Variants in SEPTIN5 observed in about 807,000 individuals in gnomAD.
The protein encoded by SEPTIN5 is septin 5.
Under a neutral mutation model 51.2 loss-of-function variants are expected in SEPTIN5, and 16 were observed. The observed-to-expected ratio is 0.31, with a 90% CI of 0.21 to 0.47. SEPTIN5 has a LOEUF of 0.47. Ranked by LOEUF, SEPTIN5 falls within the 20% of genes least tolerant of loss-of-function variation. The pLI is 0.99. For missense variants in SEPTIN5, 376 were observed against 500.3 expected, an observed-to-expected ratio of 0.75 and a Z score of 2.37; for synonymous variants, 208 against 191.2, an observed-to-expected ratio of 1.09 and a Z score of -0.72.
Position 19,722,581 on chromosome 22 carries a change from C to T in SEPTIN5, c.*97C>T, listed in dbSNP as rs185507769. ...GACCCGGAGACGCGGGGCCACAGCCCCCAGCTGACCCTAATTTATTCTCAG... is the reference window on the plus strand; with the variant it reads ...GACCCGGAGACGCGGGGCCACAGCCTCCAGCTGACCCTAATTTATTCTCAG... On this transcript the variant is annotated 3_prime_UTR_variant, in exon 12 of 12. Transcript: ENST00000455784. The T allele has an allele frequency of 1.2e-5, 15 of 1,265,914 alleles. No individual in the cohort carries two copies. The Admixed American group carries it at 1.6e-4, about 14-fold the overall frequency. The allele number at this position is 1,265,914 out of a possible 1,614,324, so 78.4% of individuals were successfully genotyped here. A position where few individuals can be genotyped will look rare whatever the true frequency, so the allele number is the denominator to read the frequency against.
chr22:19,720,939 C>T, intron 8 of SEPTIN5, 70 bp downstream of exon 8: 2 of 1,378,958 alleles, frequency 1.5e-6, no homozygotes, highest in Non-Finnish European at 2.1e-6. Flanking sequence ...GCTTTGTCTC[C>T]TTCACATTGA....
rs1673862453 is a variant in SEPTIN5, at chr22:19,721,574, C to T, written c.718-66C>T. On this transcript the variant is annotated intron_variant, in intron 8 of 11. Transcript: ENST00000455784. ...AGGGGTGCCCCGGGAGTTACATGCC[C>T]GTTTCCCATCAGTAACCGTGCAATT... 3 of 1,563,912 alleles carry T rather than the reference C, an allele frequency of 1.9e-6. No homozygotes were observed. In the Admixed American group the frequency reaches 5.1e-5, roughly 26 times the overall value.
chr22:19,714,554 GAGCC>G lies in SEPTIN5; in HGVS notation c.-34_-31del, dbSNP rs1935885871. The G allele has an allele frequency of 7.4e-7, 1 of 1,343,166 alleles. No homozygotes were observed. 83.2% of individuals were successfully genotyped at this position (1,343,166 alleles called of 1,614,324 possible). On this transcript the variant is annotated 5_prime_UTR_variant, in exon 1 of 12. Coordinates refer to ENST00000455784, the MANE Select transcript of SEPTIN5 (RefSeq NM_002688.6). This position sits in a 1 kb window ranked among gnomAD's most constrained non-coding sequence, Gnocchi z 5.2. Reference sequence around the variant, plus strand: ...CCGCTTGTCGTCGCGCCCCGCCCGCGAGCCCGCCCCGCACGTCCCCCGCCGGCGG... The same window carrying G: ...CCGCTTGTCGTCGCGCCCCGCCCGCGCGCCCCGCACGTCCCCCGCCGGCGG...
intron 2 of SEPTIN5, chr22:19,717,462 G>C (rs569217250): frequency 2.4e-6 from 1 of 412,706 alleles, no homozygotes; most frequent in Admixed American, 2.8e-5. Flanking sequence ...ATGCTCAGAG[G>C]GCAAGGGAAT....
intron 7 of SEPTIN5, 35 bp from the exon 8 acceptor site, chr22:19,720,733 T>C: frequency 6.2e-7 from 1 of 1,612,364 alleles, no homozygotes; most frequent in South Asian, 1.1e-5. Flanking sequence ...GGGACTTGTC[T>C]GGCCTCAAAT....
chr22:19,719,741 G>C (rs1601241490), intron 3 of SEPTIN5, 43 bp downstream of exon 3: 1 of 1,610,082 alleles, frequency 6.2e-7, no homozygotes, highest in Non-Finnish European at 8.5e-7. Context: ...GGGGTCACTG[G>C]CCAGCCAAGC....
chr22:19,720,588 T>C lies in SEPTIN5; in HGVS notation c.537T>C (p.His179=), dbSNP rs769659317. The change falls in exon 7 of 12, where the codon CAT becomes CAC. Residue 179 remains histidine, a synonymous_variant. Coordinates refer to ENST00000455784, the MANE Select transcript of SEPTIN5 (RefSeq NM_002688.6). ...PVDVGFMKAL[H]EKVNIVPLIA... ...ATGTGGGTTTCATGAAGGCATTGCATGAGAAGGTCAACATCGTGCCTCTCA... is the reference window on the plus strand; with the variant it reads ...ATGTGGGTTTCATGAAGGCATTGCACGAGAAGGTCAACATCGTGCCTCTCA... 2 of 1,612,982 alleles carry C rather than the reference T, an allele frequency of 1.2e-6. No individual in the cohort carries two copies. Among genetic ancestry groups the C allele is most frequent in the Admixed American group, 1.7e-5 (1 of 60,022 alleles).
At chr22:19,715,258 T>C (rs12165395) in intron 2 of SEPTIN5, among the ~76,000 whole-genome samples, 6,481 of 152,322 alleles carry the variant, frequency 0.043, 419 homozygotes, top group African/African-American at 0.14. Context: ...TCCCTCCCCA[T>C]ACACAAATTT....
In SEPTIN5 at chr22:19,714,578, C is replaced by G; in HGVS notation, c.-11C>G. The G allele has an allele frequency of 1.4e-6, 2 of 1,417,594 alleles. No homozygotes were observed. The highest frequency in any genetic ancestry group is 1.8e-6 in the Non-Finnish European group (2 of 1,087,228). 87.8% of individuals were successfully genotyped at this position (1,417,594 alleles called of 1,614,324 possible). ...CGAGCCCGCCCCGCACGTCCCCCGC[C>G]GGCGGCCACCATGAGCACAGGCCTG... On this transcript the variant is annotated 5_prime_UTR_variant, in exon 1 of 12. Transcript: ENST00000455784. This position sits in a 1 kb window ranked among gnomAD's most constrained non-coding sequence, Gnocchi z 5.2.
At position 19,720,636 on chromosome 22, in the gene SEPTIN5, C is replaced by G; in HGVS notation, c.585C>G (p.Val195=). The G allele has an allele frequency of 6.2e-7, 1 of 1,612,948 alleles. No individual in the cohort carries two copies. Among genetic ancestry groups the G allele is most frequent in the Non-Finnish European group, 8.5e-7 (1 of 1,180,022 alleles). The change falls in exon 7 of 12, where the codon GTC becomes GTG. Residue 195 remains valine (V), a synonymous_variant. Transcript: ENST00000455784. ...TCATCGCCAAAGCTGACTGTCTTGTCCCCAGTGAGATCCGGAAGCTGAAGG... is the reference window on the plus strand; with the variant it reads ...TCATCGCCAAAGCTGACTGTCTTGTGCCCAGTGAGATCCGGAAGCTGAAGG... ...VPLIAKADCL[V]PSEIRKLKER... is the part of the protein sequence containing the mutation.
At chr22:19,715,679 T>C (rs1388514484) in intron 2 of SEPTIN5, among the ~76,000 whole-genome samples, 1 of 152,126 alleles carries the variant, frequency 6.6e-6, no homozygotes, top group East Asian at 1.9e-4. Flanking sequence ...CCATGGATGC[T>C]GAGTGGAACT....
chr22:19,722,752 C>T lies in SEPTIN5; in HGVS notation c.*268C>T. On this transcript the variant is annotated 3_prime_UTR_variant, in exon 12 of 12. Transcript: ENST00000455784. Reference sequence around the variant, plus strand: ...CGCCTCCCTTGCCCTTCCCCCGCCCCCGGACGGTCACAGCACCCAAACCGC... The same window carrying T: ...CGCCTCCCTTGCCCTTCCCCCGCCCTCGGACGGTCACAGCACCCAAACCGC... The T allele has an allele frequency of 1.8e-6, 1 of 552,196 alleles. No homozygotes were observed. The highest frequency in any genetic ancestry group is 3.1e-5 in the East Asian group (1 of 32,556). The allele number at this position is 552,196 out of a possible 1,614,324, so 34.2% of individuals were successfully genotyped here. A position where few individuals can be genotyped will look rare whatever the true frequency, so the allele number is the denominator to read the frequency against.
At chr22:19,718,846 G>T (rs906713361) in intron 2 of SEPTIN5, 10 of 1,234,584 alleles carry the variant, frequency 8.1e-6, no homozygotes, top group Middle Eastern at 3.1e-4. Context: ...GCGGAACGTG[G>T]GTCTGTGACC....
rs78788206 is a variant in SEPTIN5, at chr22:19,717,748, T to C, written c.55-1854T>C. 6.6e-3 allele frequency: 1,679 copies of C among 255,966 alleles called. 35 individuals carry two copies. Among genetic ancestry groups the C allele is most frequent in the African/African-American group, 0.036 (1,598 of 43,816 alleles). The allele number at this position is 255,966 out of a possible 1,614,324, so 15.9% of individuals were successfully genotyped here. ...CTGCCCTCCTCCGGTCCCCCGAATG[T>C]CTTGGGAAAGAGTCCACCAAACACA... On this transcript the variant is annotated intron_variant, in intron 2 of 11. Transcript: ENST00000455784.
chr22:19,716,364 T>C (rs1393707586), intron 2 of SEPTIN5, among the ~76,000 whole-genome samples: 2 of 152,178 alleles, frequency 1.3e-5, no homozygotes, highest in Non-Finnish European at 2.9e-5. Context: ...TGTAGAGGCA[T>C]TGGGGGAGTT....
intron 10 of SEPTIN5, 137 bp from the exon 11 acceptor site, chr22:19,722,100 C>T: frequency 3.2e-6 from 4 of 1,257,150 alleles, no homozygotes; most frequent in Middle Eastern, 2.8e-4. Flanking sequence ...GCCTGGTCTC[C>T]CTAGAACCAA....
Position 19,714,545 on chromosome 22 carries a change from C to A in SEPTIN5, c.-44C>A. On this transcript the variant is annotated 5_prime_UTR_variant, in exon 1 of 12. Coordinates refer to ENST00000455784, the MANE Select transcript of SEPTIN5 (RefSeq NM_002688.6). This position sits in a 1 kb window ranked among gnomAD's most constrained non-coding sequence, Gnocchi z 5.2. ...CGGCCTCCGCCGCTTGTCGTCGCGC[C>A]CCGCCCGCGAGCCCGCCCCGCACGT... 1.5e-6 allele frequency: 2 copies of A among 1,328,430 alleles called. No homozygotes were observed. The highest frequency in any genetic ancestry group is 1.9e-6 in the Non-Finnish European group (2 of 1,038,052). 82.3% of individuals were successfully genotyped at this position (1,328,430 alleles called of 1,614,324 possible). A position where few individuals can be genotyped will look rare whatever the true frequency, so the allele number is the denominator to read the frequency against.
At chr22:19,722,042 C>T (rs1936050081) in intron 10 of SEPTIN5, 85 bp downstream of exon 10, 3 of 1,514,672 alleles carry the variant, frequency 2.0e-6, no homozygotes, top group African/African-American at 1.4e-5. Flanking sequence ...GTCAGCCCAC[C>T]CAGACTTGAA....
rs369152694 is a variant in SEPTIN5, at chr22:19,720,672, C to G, written c.615+6C>G. 7.6e-5 allele frequency: 123 copies of G among 1,612,874 alleles called. No individual in the cohort carries two copies. The African/African-American group carries it at 1.6e-3, about 21-fold the overall frequency. On this transcript the variant is annotated splice_donor_region_variant and intron_variant, in intron 7 of 11. Transcript: ENST00000455784. ...TCCGGAAGCTGAAGGAGCGGGTGAG[C>G]CTGCCGTCGCACAGGGGCCTGGCCA...
Sources: gnomAD v4.1 joint callset for allele counts (sites outside exome capture counted in the v4.1 genomes callset) on GRCh38, gnomAD v4.1.1 for gene constraint, Gnocchi (gnomAD v3.1) non-coding constraint, MANE v1.5 for transcripts, NCBI Gene and HGNC (gene_info 2026-07-23, HGNC 2026-07-21) for gene names.